NR6A1: variants seen among roughly 807,000 people sequenced by gnomAD.
NR6A1 encodes nuclear receptor subfamily 6 group A member 1, also known as retinoic acid receptor-related testis-associated receptor.
In NR6A1, 7 loss-of-function variants were observed where a neutral mutation model predicts 59.1. That is an observed-to-expected ratio of 0.12 (90% CI 0.07 to 0.22). The LOEUF is 0.22. Among genes scored for constraint, NR6A1 ranks in the 10% least tolerant of loss-of-function variants. The probability of loss-of-function intolerance (pLI) is 1.00; values close to 1 mark genes in which losing one functional copy is unlikely to be tolerated. For synonymous variants in NR6A1, 243 were observed against 236.1 expected, an observed-to-expected ratio of 1.03 and a Z score of -0.27; for missense variants, 468 against 611.6, an observed-to-expected ratio of 0.77 and a Z score of 2.48.
chr9:124,696,429 G>T (rs1838764257), intron 2 of NR6A1, among the ~76,000 whole-genome samples: 1 of 150,834 alleles, frequency 6.6e-6, no homozygotes, highest in Non-Finnish European at 1.5e-5. Flanking sequence ...CCTGTTCGGT[G>T]TATAGCCTCA....
intron 2 of NR6A1, among the ~76,000 whole-genome samples, chr9:124,670,657 A>G (rs558254364): frequency 2.0e-5 from 3 of 152,310 alleles, no homozygotes; most frequent in South Asian, 2.1e-4. Context: ...CAGGGAAGAA[A>G]TTCAGAGTGG....
chr9:124,668,588 T>C (rs1837698546), intron 2 of NR6A1, among the ~76,000 whole-genome samples: 1 of 152,186 alleles, frequency 6.6e-6, no homozygotes, highest in African/African-American at 2.4e-5. Flanking sequence ...CTTACTAATA[T>C]CTTAGTGTAG....
intron 1 of NR6A1, among the ~76,000 whole-genome samples, chr9:124,756,493 C>G (rs1239330224): frequency 6.6e-6 from 1 of 152,160 alleles, no homozygotes; most frequent in African/African-American, 2.4e-5. Flanking sequence ...ATGACTTATG[C>G]TTTAATAAAA....
intron 2 of NR6A1, among the ~76,000 whole-genome samples, chr9:124,583,375 C>G (rs1834828771): frequency 1.3e-5 from 2 of 152,128 alleles, no homozygotes; most frequent in African/African-American, 4.8e-5. Flanking sequence ...CAATTTGTAA[C>G]AAGGTTAAGT....
intron 2 of NR6A1, chr9:124,599,476 C>T: frequency 2.1e-6 from 1 of 467,280 alleles, no homozygotes; most frequent in South Asian, 1.6e-5. Flanking sequence ...AAATTTCTTG[C>T]TCAGGAAGAG....
chr9:124,681,210 C>T (rs1838145057), intron 2 of NR6A1, among the ~76,000 whole-genome samples: 1 of 151,940 alleles, frequency 6.6e-6, no homozygotes, highest in African/African-American at 2.4e-5. Flanking sequence ...TATCATTTTA[C>T]TTACTAAACA....
intron 2 of NR6A1, among the ~76,000 whole-genome samples, chr9:124,637,282 A>G (rs995135967): frequency 9.2e-5 from 14 of 152,214 alleles, no homozygotes; most frequent in Non-Finnish European, 2.1e-4. Flanking sequence ...GAGTTTAAGT[A>G]CATGACACTG....
At chr9:124,647,978 A>C (rs1412875635) in intron 2 of NR6A1, among the ~76,000 whole-genome samples, 1 of 152,138 alleles carries the variant, frequency 6.6e-6, no homozygotes, top group African/African-American at 2.4e-5. Flanking sequence ...TTACCCTGAT[A>C]CCAAAGCCAA....
intron 2 of NR6A1, among the ~76,000 whole-genome samples, chr9:124,668,201 G>C (rs1246372744): frequency 1.3e-5 from 2 of 152,014 alleles, no homozygotes; most frequent in African/African-American, 4.8e-5. Context: ...AAATCATAAG[G>C]AACACAAAAT....
At chr9:124,721,200 A>G (rs1374657041) in intron 2 of NR6A1, among the ~76,000 whole-genome samples, 1 of 152,188 alleles carries the variant, frequency 6.6e-6, no homozygotes, top group Non-Finnish European at 1.5e-5. Flanking sequence ...AGGACCCAAC[A>G]ACCGCCTTTG....
intron 2 of NR6A1, among the ~76,000 whole-genome samples, chr9:124,649,045 T>C (rs1837019200): frequency 6.6e-6 from 1 of 151,826 alleles, no homozygotes; most frequent in Non-Finnish European, 1.5e-5. Context: ...ACAGATAAAA[T>C]GCAATTCCTA....
chr9:124,716,076 C>T (rs1839410539), intron 2 of NR6A1, among the ~76,000 whole-genome samples: 1 of 151,972 alleles, frequency 6.6e-6, no homozygotes, highest in African/African-American at 2.4e-5. Flanking sequence ...GGTGGTTGTG[C>T]ACCTGTGGTC....
chr9:124,671,090 T>C (rs1232323467), intron 2 of NR6A1, among the ~76,000 whole-genome samples: 1 of 152,202 alleles, frequency 6.6e-6, no homozygotes, highest in South Asian at 2.1e-4. Context: ...AGTAGAATGG[T>C]GATTACCAGG....
intron 2 of NR6A1, among the ~76,000 whole-genome samples, chr9:124,583,813 C>A (rs1834841666): frequency 6.6e-6 from 1 of 152,176 alleles, no homozygotes. Context: ...AACCTGATAG[C>A]CCTCTGCACA....
chr9:124,598,586 C>A, intron 2 of NR6A1: 1 of 291,076 alleles, frequency 3.4e-6, no homozygotes, highest in Non-Finnish European at 6.4e-6. Context: ...CTTTATATAA[C>A]GGCCTTTTGT....
intron 7 of NR6A1, among the ~76,000 whole-genome samples, chr9:124,533,253 C>T (rs1267301408): frequency 6.6e-6 from 1 of 152,156 alleles, no homozygotes; most frequent in African/African-American, 2.4e-5. Flanking sequence ...ATCCAAACAC[C>T]CCTATGGAGC....
At chr9:124,632,551 C>T (rs1836477925) in intron 2 of NR6A1, among the ~76,000 whole-genome samples, 1 of 152,132 alleles carries the variant, frequency 6.6e-6, no homozygotes, top group African/African-American at 2.4e-5. Flanking sequence ...CTTACAGATG[C>T]TGGATATTAG....
intron 2 of NR6A1, among the ~76,000 whole-genome samples, chr9:124,586,608 G>C (rs945309471): frequency 2.0e-5 from 3 of 152,058 alleles, no homozygotes; most frequent in Non-Finnish European, 4.4e-5. Context: ...ACCATGCCCA[G>C]CTAATTTTTT....
intron 6 of NR6A1, among the ~76,000 whole-genome samples, 199 bp from the exon 7 acceptor site, chr9:124,536,331 A>C (rs997051295): frequency 2.0e-5 from 3 of 152,120 alleles, no homozygotes; most frequent in African/African-American, 7.2e-5. Flanking sequence ...TCAGGGCTGG[A>C]GAGGCGGGTC....
Sources: gnomAD v4.1 joint callset for allele counts (sites outside exome capture counted in the v4.1 genomes callset) on GRCh38, gnomAD v4.1.1 for gene constraint, MANE v1.5 for transcripts, NCBI Gene and HGNC (gene_info 2026-07-23, HGNC 2026-07-21) for gene names.